ESRRG: variants seen among roughly 807,000 people sequenced by gnomAD.
ESRRG encodes the protein estrogen related receptor gamma, also known as estrogen-related receptor gamma.
ESRRG carries 13 observed loss-of-function variants against 44.0 expected under a neutral mutation model. That is an observed-to-expected ratio of 0.30 (90% CI 0.19 to 0.47). ESRRG has a LOEUF of 0.47. Ranked by LOEUF, ESRRG falls within the 20% of genes least tolerant of loss-of-function variation. ESRRG has a pLI of 1.00. For synonymous variants in ESRRG, 215 were observed against 214.6 expected (o/e 1.00, Z -0.02); for missense variants, 395 against 580.6 (o/e 0.68, Z 3.29).
At chr1:216,643,793 T>C (rs1393875237) in intron 3 of ESRRG, among the ~76,000 whole-genome samples, 1 of 152,172 alleles carries the variant, frequency 6.6e-6, no homozygotes. Flanking sequence ...CTAAATTATG[T>C]CATTTATTTA....
chr1:217,111,989 G>C (rs375977967), intron 1 of ESRRG, among the ~76,000 whole-genome samples: 1 of 152,150 alleles, frequency 6.6e-6, no homozygotes, highest in African/African-American at 2.4e-5. Context: ...ATGCCACAGA[G>C]AGAAGCCATA....
intron 3 of ESRRG, among the ~76,000 whole-genome samples, chr1:216,632,364 C>G (rs1238161720): frequency 6.6e-6 from 1 of 152,110 alleles, no homozygotes; most frequent in Non-Finnish European, 1.5e-5. Context: ...AAGAAAACAA[C>G]CGTAATTTTC....
At chr1:216,765,846 G>A (rs976521797) in intron 2 of ESRRG, among the ~76,000 whole-genome samples, 1 of 151,792 alleles carries the variant, frequency 6.6e-6, no homozygotes, top group Non-Finnish European at 1.5e-5. Context: ...GCTAATCCCC[G>A]GACTTTAGCT....
At chr1:216,829,441 T>G (rs972404490) in intron 2 of ESRRG, among the ~76,000 whole-genome samples, 1 of 152,118 alleles carries the variant, frequency 6.6e-6, no homozygotes, top group Non-Finnish European at 1.5e-5. Context: ...CTCATTTTAC[T>G]GATGGAAAAA....
At chr1:216,886,031 G>A (rs1238997599) in intron 2 of ESRRG, among the ~76,000 whole-genome samples, 1 of 151,842 alleles carries the variant, frequency 6.6e-6, no homozygotes, top group Non-Finnish European at 1.5e-5. Context: ...TTGATGTCAT[G>A]GGTTTCTGAA....
At chr1:217,078,092 C>A (rs1349330459) in intron 1 of ESRRG, 2 of 152,212 alleles carry the variant, frequency 1.3e-5, no homozygotes, top group African/African-American at 2.4e-5. Flanking sequence ...TGGTTGATTG[C>A]AGCTTTGCCC....
intron 1 of ESRRG, among the ~76,000 whole-genome samples, chr1:216,685,542 C>G (rs1323168493): frequency 1.3e-5 from 2 of 152,212 alleles, no homozygotes; most frequent in African/African-American, 4.8e-5. Context: ...GACCTTCCCA[C>G]AGCACCGCAC....
chr1:216,705,792 G>T (rs951432556), intron 1 of ESRRG, among the ~76,000 whole-genome samples: 1 of 152,044 alleles, frequency 6.6e-6, no homozygotes, highest in Non-Finnish European at 1.5e-5. Context: ...TTTTCAGCCC[G>T]AATGTTCCTC....
intron 3 of ESRRG, among the ~76,000 whole-genome samples, chr1:216,594,685 T>C (rs183574013): frequency 6.6e-6 from 1 of 152,302 alleles, no homozygotes; most frequent in African/African-American, 2.4e-5. Context: ...TTTGCATACA[T>C]AGTTCATTAA....
chr1:216,655,096 A>G (rs927814001), intron 2 of ESRRG, among the ~76,000 whole-genome samples: 4 of 152,202 alleles, frequency 2.6e-5, no homozygotes, highest in Non-Finnish European at 5.9e-5. Flanking sequence ...TATCCATTAC[A>G]TTCTGTAATT....
At chr1:216,664,692 G>GAAAAA (rs71163758) in intron 2 of ESRRG, among the ~76,000 whole-genome samples, 1 of 133,782 alleles carries the variant, frequency 7.5e-6, no homozygotes, top group Non-Finnish European at 1.5e-5. Flanking sequence ...TGCTACTGAA[G>GAAAAA]AAAAAAAAAA....
At chr1:216,687,026 CGT>C (rs143144178) in intron 1 of ESRRG, among the ~76,000 whole-genome samples, 5 of 149,134 alleles carry the variant, frequency 3.4e-5, no homozygotes, top group East Asian at 2.0e-4. Context: ...TGGCAGGGCC[CGT>C]GTGTGTGTGT....
At chr1:216,657,650 T>G (rs1307307226) in intron 2 of ESRRG, among the ~76,000 whole-genome samples, 1 of 152,100 alleles carries the variant, frequency 6.6e-6, no homozygotes, top group African/African-American at 2.4e-5. Context: ...GTACTATCAC[T>G]CTACTAATGG....
intron 1 of ESRRG, among the ~76,000 whole-genome samples, chr1:216,997,598 C>T (rs769149134): frequency 2.0e-5 from 3 of 152,190 alleles, no homozygotes; most frequent in South Asian, 2.1e-4. Flanking sequence ...AGTCTCTTTA[C>T]TATTTTACAT....
At chr1:217,013,573 G>C (rs2078938000) in intron 1 of ESRRG, among the ~76,000 whole-genome samples, 1 of 152,102 alleles carries the variant, frequency 6.6e-6, no homozygotes, top group South Asian at 2.1e-4. Flanking sequence ...ATAATTTAGG[G>C]CTCACAGAAA....
rs1481182116 is a variant in ESRRG, at chr1:217,017,379, C to T, written c.-106+72128G>A. ...AATGAAAATGTTATTATTCATGCTG[C>T]TGTCAGACAGGATCATATCTGAGTC... On this transcript the variant is annotated intron_variant, in intron 1 of 7. Transcript: ENST00000359162. Among the ~76,000 whole-genome samples the T allele has an allele frequency of 8.7e-5, 13 of 149,772 alleles. No individual in the cohort carries two copies. The East Asian group carries it at 2.5e-3, about 29-fold the overall frequency.
chr1:216,555,557 T>G (rs2057370438), intron 5 of ESRRG, among the ~76,000 whole-genome samples: 1 of 150,956 alleles, frequency 6.6e-6, no homozygotes, highest in Non-Finnish European at 1.5e-5. Context: ...AAAACCTGAA[T>G]AGTTAAAACA....
chr1:216,954,540 G>C (rs909316976), intron 1 of ESRRG, among the ~76,000 whole-genome samples: 15 of 152,016 alleles, frequency 9.9e-5, no homozygotes, highest in African/African-American at 3.1e-4. Context: ...CGCACTAAAG[G>C]CTCCTAATTA....
At chr1:216,799,276 A>G (rs954380450) in intron 2 of ESRRG, among the ~76,000 whole-genome samples, 5 of 151,818 alleles carry the variant, frequency 3.3e-5, no homozygotes, top group Admixed American at 3.3e-4. Context: ...AACATTTCAC[A>G]TTCAGCAGAA....
Sources: gnomAD v4.1 joint callset for allele counts (sites outside exome capture counted in the v4.1 genomes callset) on GRCh38, gnomAD v4.1.1 for gene constraint, MANE v1.5 for transcripts, NCBI Gene and HGNC (gene_info 2026-07-23, HGNC 2026-07-21) for gene names.